The following PCDHA3 variants were observed in gnomAD, a reference collection of about 807,000 sequenced individuals.
PCDHA3 encodes protocadherin alpha 3, also known as protocadherin alpha-3.
PCDHA3 carries 41 observed loss-of-function variants against 62.2 expected under a neutral mutation model. That is an observed-to-expected ratio of 0.66 (90% CI 0.51 to 0.86). PCDHA3 has a LOEUF of 0.86. Among genes scored for constraint, PCDHA3 ranks in the 40% least tolerant of loss-of-function variants. The pLI is 0.00. For missense variants in PCDHA3, 1,304 were observed against 1,241.2 expected (o/e 1.05, Z -0.76); for synonymous variants, 640 against 555.4 (o/e 1.15, Z -2.14).
rs188637090 is a variant in PCDHA3 at position 140,876,765 on chromosome 5, C to T, written c.2394+73174C>T. 1,055 of 1,614,234 alleles carry T rather than the reference C, an allele frequency of 6.5e-4. 5 individuals are homozygous for T. The African/African-American group carries it at 0.01, about 15-fold the overall frequency. ...TGGTGGTGACTGCGCGGGATGGGGG[C>T]TCGCCTTCGCTGTGGGCCACGGCTA... On this transcript the variant is annotated intron_variant, in intron 1 of 3. Transcript: ENST00000522353.
chr5:140,814,440 AC>A (rs1317702042), intron 1 of PCDHA3: 1 of 148,476 alleles, frequency 6.7e-6, no homozygotes, highest in Non-Finnish European at 1.5e-5. Flanking sequence ...TTTTGTGGTG[AC>A]CTTTTTTCTT....
At chr5:141,000,393 CTCTATATATA>C (rs1279908183) in intron 3 of PCDHA3, among the ~76,000 whole-genome samples, 25 of 52,852 alleles carry the variant, frequency 4.7e-4, no homozygotes, top group South Asian at 8.2e-4. Flanking sequence ...CTCTCTCTCT[CTCTATATATA>C]TATATATATA....
chr5:140,881,995 T>C, intron 1 of PCDHA3: 1 of 464,062 alleles, frequency 2.2e-6, no homozygotes, highest in Middle Eastern at 5.9e-4. Flanking sequence ...TGTCAGGAAA[T>C]GCAAGGGGCA....
At chr5:141,002,232 A>G (rs2098067070) in intron 3 of PCDHA3, among the ~76,000 whole-genome samples, 2 of 152,226 alleles carry the variant, frequency 1.3e-5, no homozygotes, top group African/African-American at 4.8e-5. Flanking sequence ...GTTTTCTGGA[A>G]GCTCTTTATT....
intron 1 of PCDHA3, chr5:140,869,037 C>A: frequency 1.3e-6 from 2 of 1,528,404 alleles, no homozygotes; most frequent in South Asian, 2.6e-5. Context: ...AGATTTTTAA[C>A]CTGAAACTGA....
At chr5:140,995,060 A>C (rs1424126097) in intron 3 of PCDHA3, among the ~76,000 whole-genome samples, 2 of 152,204 alleles carry the variant, frequency 1.3e-5, no homozygotes, top group African/African-American at 2.4e-5. Context: ...AATTTTCAAA[A>C]ATCAACCTAC....
chr5:140,842,564 C>A (rs781893579), intron 1 of PCDHA3: 1 of 1,500,320 alleles, frequency 6.7e-7, no homozygotes, highest in South Asian at 1.2e-5. Flanking sequence ...CGCCCTGGAC[C>A]GCGAGAGAGT....
At chr5:140,915,803 A>G (rs2077309798) in intron 1 of PCDHA3, among the ~76,000 whole-genome samples, 1 of 152,026 alleles carries the variant, frequency 6.6e-6, no homozygotes, top group Admixed American at 6.6e-5. Flanking sequence ...ACTACCACCT[A>G]TGTTCACTCA....
In PCDHA3 at chr5:140,887,388, G is replaced by A. The variant is rs138166374; in HGVS notation, c.2394+83797G>A. ...TGGGATTACAGGTGTGAGCCACCGC[G>A]CCCGGCTCTTTATCTCATTTTTATT... is the stretch of plus-strand genomic sequence containing the variant. On this transcript the variant is annotated intron_variant, in intron 1 of 3. Transcript: ENST00000522353. 5.8e-3 allele frequency among the ~76,000 whole-genome samples: 888 copies of A among 152,192 alleles called. 10 individuals carry two copies. The highest frequency in any genetic ancestry group is 0.019 in the African/African-American group (805 of 41,536).
chr5:140,828,886 T>C lies in PCDHA3; in HGVS notation c.2394+25295T>C, dbSNP rs1485794831. On this transcript the variant is annotated intron_variant, in intron 1 of 3. Coordinates refer to ENST00000522353, the MANE Select transcript of PCDHA3 (RefSeq NM_018906.3). Reference sequence around the variant, plus strand: ...ACGGAACAACAGTTATCAGACTGAATGCTTCTGATCGGGATGAAGGAGCGA... The same window carrying C: ...ACGGAACAACAGTTATCAGACTGAACGCTTCTGATCGGGATGAAGGAGCGA... 7 of 1,614,126 alleles carry C rather than the reference T, an allele frequency of 4.3e-6. No individual in the cohort carries two copies. In the African/African-American group the frequency reaches 5.3e-5, roughly 12 times the overall value.
chr5:140,834,218 G>C, intron 1 of PCDHA3: 1 of 668,584 alleles, frequency 1.5e-6, no homozygotes, highest in Non-Finnish European at 2.5e-6. Flanking sequence ...TTCGTAATCA[G>C]CAAAAGGAAG....
intron 1 of PCDHA3, among the ~76,000 whole-genome samples, chr5:140,938,765 A>G (rs1554212377): frequency 6.6e-6 from 1 of 152,182 alleles, no homozygotes; most frequent in Non-Finnish European, 1.5e-5. Context: ...GTTATTGGGT[A>G]CTAGACTTAG....
rs1554205452 is a variant in PCDHA3 at position 140,928,080 on chromosome 5, C to T, written c.2395-50869C>T. ...CGGCTTCCTTTGACAACTACTACAG[C>T]CTGCTGATTGATGGGCCCCTGGACC... On this transcript the variant is annotated intron_variant, in intron 1 of 3. Transcript: ENST00000522353. The T allele has an allele frequency of 2.5e-6, 4 of 1,614,072 alleles. No homozygotes were observed. The African/African-American group carries it at 4.0e-5, about 16-fold the overall frequency.
intron 1 of PCDHA3, chr5:140,881,408 T>A (rs1397596000): frequency 1.1e-6 from 1 of 949,826 alleles, no homozygotes; most frequent in Non-Finnish European, 1.3e-6. Flanking sequence ...ATTAAATCAA[T>A]AGGATATTAG....
intron 1 of PCDHA3, chr5:140,927,723 A>G: frequency 6.2e-7 from 1 of 1,614,220 alleles, no homozygotes; most frequent in Non-Finnish European, 8.5e-7. Context: ...ACAGCACGCA[A>G]GCAGAGCTGC....
intron 1 of PCDHA3, chr5:140,822,885 G>A (rs1554128940): frequency 1.2e-6 from 2 of 1,614,088 alleles, no homozygotes; most frequent in African/African-American, 1.3e-5. Flanking sequence ...TCATTGCTCT[G>A]ATCAGCGTGT....
At chr5:140,865,398 G>T (rs1554159421) in intron 1 of PCDHA3, 1 of 152,138 alleles carries the variant, frequency 6.6e-6, no homozygotes, top group African/African-American at 2.4e-5. Flanking sequence ...TAATATAAAT[G>T]CTGAAAAGGA....
intron 1 of PCDHA3, among the ~76,000 whole-genome samples, chr5:140,948,075 T>C (rs1554218432): frequency 1.3e-5 from 2 of 151,684 alleles, no homozygotes; most frequent in Non-Finnish European, 3.0e-5. Flanking sequence ...AATTTTCTTT[T>C]AATCTATTGA....
intron 1 of PCDHA3, chr5:140,842,530 T>C: frequency 6.2e-7 from 1 of 1,613,064 alleles, no homozygotes; most frequent in South Asian, 1.1e-5. Flanking sequence ...CCTTCAAGAA[T>C]TACTACTCGT....
Sources: allele counts gnomAD v4.1 joint callset (sites outside exome capture counted in the v4.1 genomes callset), GRCh38; gene constraint gnomAD v4.1.1; transcripts MANE v1.5; gene names NCBI Gene and HGNC (gene_info 2026-07-23, HGNC 2026-07-21).